The following TTLL7 variants were observed in gnomAD, a reference collection of about 807,000 sequenced individuals.
TTLL7 encodes tubulin tyrosine ligase like 7.
TTLL7 carries 53 observed loss-of-function variants against 120.2 expected under a neutral mutation model. That is an observed-to-expected ratio of 0.44 (90% CI 0.35 to 0.55). TTLL7 has a LOEUF of 0.55. Among genes scored for constraint, TTLL7 ranks in the 20% least tolerant of loss-of-function variants. TTLL7 has a pLI of 0.00. For synonymous variants in TTLL7, 353 were observed against 351.7 expected, an observed-to-expected ratio of 1.00 and a Z score of -0.04; for missense variants, 803 against 1,054.7, an observed-to-expected ratio of 0.76 and a Z score of 3.31.
chr1:83,933,634 T>C lies in TTLL7; in HGVS notation c.1021A>G (p.Arg341Gly). 6.2e-7 allele frequency: 1 copy of C among 1,613,622 alleles called. No homozygotes were observed. Among genetic ancestry groups the C allele is most frequent in the Non-Finnish European group, 8.5e-7 (1 of 1,179,696 alleles). Reference protein sequence around the residue: ...EVLGFDILLDRKLKPWLLEIN... With the variant: ...EVLGFDILLDGKLKPWLLEIN... ...TCCAGAAGCCATGGCTTTAGTTTTC[T>C]ATCCAACAAAATATCAAATCCCAGG... The change falls in exon 9 of 21, where the codon AGA becomes GGA. Residue 341 changes from arginine to glycine, a missense_variant. Transcript: ENST00000260505.
chr1:83,955,983 G>A (rs563324153), intron 1 of TTLL7, among the ~76,000 whole-genome samples: 383 of 152,266 alleles, frequency 2.5e-3, no homozygotes, highest in Admixed American at 7.5e-3. Context: ...CCTGGCAGCA[G>A]AGCGTGTCTT....
At chr1:83,922,861 T>G (rs1462398920) in intron 10 of TTLL7, among the ~76,000 whole-genome samples, 2 of 150,898 alleles carry the variant, frequency 1.3e-5, no homozygotes, top group Non-Finnish European at 3.0e-5. Flanking sequence ...GAGATGCTAT[T>G]TCATTAACAA....
chr1:83,870,142 G>A, intron 20 of TTLL7, 60 bp from the exon 21 acceptor site: 1 of 1,449,526 alleles, frequency 6.9e-7, no homozygotes, highest in Non-Finnish European at 9.2e-7. Flanking sequence ...ACTCACTAAA[G>A]GGTTATGTGG....
intron 18 of TTLL7, among the ~76,000 whole-genome samples, chr1:83,901,505 C>T (rs778106513): frequency 7.2e-5 from 11 of 151,956 alleles, no homozygotes; most frequent in South Asian, 2.1e-4. Context: ...CTTACCTACA[C>T]TTCTCTCTCT....
chr1:83,865,614 T>C lies in TTLL7; in HGVS notation c.*4348A>G, dbSNP rs1652862082. 2 of 152,128 alleles carry C rather than the reference T, an allele frequency of 1.3e-5. No homozygotes were observed. Among genetic ancestry groups the C allele is most frequent in the Admixed American group, 1.3e-4 (2 of 15,290 alleles). 9.4% of individuals were successfully genotyped at this position (152,128 alleles called of 1,614,324 possible). ...ATATACCAATTTTGGTTGCAAGACT[T>C]ATTTGTAGCCATATATCTTGCTTTA... On this transcript the variant is annotated 3_prime_UTR_variant, in exon 21 of 21. Coordinates refer to ENST00000260505, the MANE Select transcript of TTLL7 (RefSeq NM_024686.6).
At chr1:83,948,865 G>GT (rs1648759324) in intron 4 of TTLL7, 170 bp from the exon 5 acceptor site, 1 of 472,060 alleles carries the variant, frequency 2.1e-6, no homozygotes, top group African/African-American at 2.0e-5. Context: ...GAATTAAAGA[G>GT]TATGGTAATC....
intron 1 of TTLL7, among the ~76,000 whole-genome samples, chr1:83,986,643 G>A (rs904651115): frequency 5.9e-5 from 9 of 152,138 alleles, no homozygotes; most frequent in South Asian, 2.1e-4. Flanking sequence ...TCAGGAGTTC[G>A]AGACCAGCCT....
intron 18 of TTLL7, among the ~76,000 whole-genome samples, chr1:83,897,628 TG>T (rs1392487703): frequency 6.6e-6 from 1 of 152,046 alleles, no homozygotes; most frequent in Non-Finnish European, 1.5e-5. Context: ...GAAGCATGGC[TG>T]GGATACGAGT....
intron 1 of TTLL7, among the ~76,000 whole-genome samples, chr1:83,961,881 A>G (rs1438217692): frequency 6.6e-6 from 1 of 152,096 alleles, no homozygotes; most frequent in East Asian, 1.9e-4. Flanking sequence ...CCATTTCCTG[A>G]CCCTGCAAAG....
rs192064709 is a variant in TTLL7 at position 83,937,833 on chromosome 1, T to C, written c.888+19A>G. ...TGCTGAGGAAAGACTGTTATAATTG[T>C]GGAATGGCATAATCTTACTGAAATA... is the stretch of plus-strand genomic sequence containing the variant. On this transcript the variant is annotated intron_variant, in intron 8 of 20. Coordinates refer to ENST00000260505, the MANE Select transcript of TTLL7 (RefSeq NM_024686.6). 6.2e-7 allele frequency: 1 copy of C among 1,612,898 alleles called. No homozygotes were observed. The highest frequency in any genetic ancestry group is 1.7e-5 in the Admixed American group (1 of 60,016).
chr1:83,936,535 A>G (rs1324996027), intron 8 of TTLL7, among the ~76,000 whole-genome samples: 1 of 152,212 alleles, frequency 6.6e-6, no homozygotes, highest in African/African-American at 2.4e-5. Flanking sequence ...AACTGTCATT[A>G]GAATGGTTTT....
At chr1:83,892,950 G>GAAAGAAAGAA (rs1557570975) in intron 18 of TTLL7, among the ~76,000 whole-genome samples, 1 of 89,210 alleles carries the variant, frequency 1.1e-5, no homozygotes, top group Admixed American at 1.2e-4. Context: ...AAGAAAGAAA[G>GAAAGAAAGAA]AAAAGAATAA....
At chr1:83,880,822 G>A (rs1041476915) in intron 20 of TTLL7, among the ~76,000 whole-genome samples, 16 of 151,994 alleles carry the variant, frequency 1.1e-4, no homozygotes, top group East Asian at 3.9e-4. Context: ...GAGGCATCAC[G>A]CTACCTGACT....
At chr1:83,987,457 G>C (rs1449977656) in intron 1 of TTLL7, among the ~76,000 whole-genome samples, 1 of 152,044 alleles carries the variant, frequency 6.6e-6, no homozygotes, top group Admixed American at 6.6e-5. Context: ...TTCTACATTA[G>C]ATAGATTTTT....
chr1:83,867,409 A>C lies in TTLL7; in HGVS notation c.*2553T>G, dbSNP rs575926021. On this transcript the variant is annotated 3_prime_UTR_variant, in exon 21 of 21. Transcript: ENST00000260505. ...TACATCAGTCTAAATAGGCAAATGA[A>C]GGCAATAAAATTGTAACGCTCAAAA... 1 of 152,160 alleles carries C rather than the reference A, an allele frequency of 6.6e-6. No individual in the cohort carries two copies. The highest frequency in any genetic ancestry group is 2.1e-4 in the South Asian group (1 of 4,832). The allele number at this position is 152,160 out of a possible 1,614,324, so 9.4% of individuals were successfully genotyped here. A position where few individuals can be genotyped will look rare whatever the true frequency, so the allele number is the denominator to read the frequency against.
chr1:83,937,702 G>T (rs2100832255), intron 8 of TTLL7, 150 bp downstream of exon 8: 2 of 793,020 alleles, frequency 2.5e-6, no homozygotes, highest in Non-Finnish European at 4.1e-6. Flanking sequence ...GCAGCGTGTG[G>T]CTGTGTAATG....
intron 17 of TTLL7, among the ~76,000 whole-genome samples, chr1:83,906,088 A>C (rs1305127463): frequency 6.6e-6 from 1 of 152,076 alleles, no homozygotes; most frequent in African/African-American, 2.4e-5. Context: ...ACTTATCATT[A>C]AAATAGCACT....
intron 18 of TTLL7, among the ~76,000 whole-genome samples, chr1:83,898,182 T>G (rs975029238): frequency 6.6e-6 from 1 of 152,040 alleles, no homozygotes; most frequent in Non-Finnish European, 1.5e-5. Flanking sequence ...GATCAATATG[T>G]TATAGGCCAA....
chr1:83,925,393 T>C (rs1659028647), intron 10 of TTLL7, among the ~76,000 whole-genome samples: 1 of 152,208 alleles, frequency 6.6e-6, no homozygotes, highest in Non-Finnish European at 1.5e-5. Context: ...AGGCACTGAA[T>C]TCCCAGTACC....
Sources: gnomAD v4.1 joint callset for allele counts (sites outside exome capture counted in the v4.1 genomes callset) on GRCh38, gnomAD v4.1.1 for gene constraint, MANE v1.5 for transcripts, NCBI Gene and HGNC (gene_info 2026-07-23, HGNC 2026-07-21) for gene names.